CMTM7: variants seen among roughly 807,000 people sequenced by gnomAD.
The protein encoded by CMTM7 is CKLF like MARVEL transmembrane domain containing 7.
Under a neutral mutation model 19.3 loss-of-function variants are expected in CMTM7, and 7 were observed. The ratio of observed to expected loss-of-function variants is 0.36; its 90% CI spans 0.21 to 0.68. CMTM7 has a LOEUF of 0.68. Among genes scored for constraint, CMTM7 ranks in the 30% least tolerant of loss-of-function variants. The pLI, the probability that CMTM7 is intolerant of heterozygous loss-of-function variation, is 0.60. For synonymous variants in CMTM7, 87 were observed against 99.3 expected, an observed-to-expected ratio of 0.88 and a Z score of 0.74; for missense variants, 193 against 232.6, an observed-to-expected ratio of 0.83 and a Z score of 1.11.
intron 2 of CMTM7, among the ~76,000 whole-genome samples, chr3:32,447,625 C>T (rs912752003): frequency 2.0e-5 from 3 of 152,016 alleles, no homozygotes; most frequent in African/African-American, 4.8e-5. Flanking sequence ...GGTGCATATA[C>T]GTTTATAATT....
intron 1 of CMTM7, among the ~76,000 whole-genome samples, chr3:32,418,329 T>C (rs1696296638): frequency 6.6e-6 from 1 of 152,228 alleles, no homozygotes; most frequent in Non-Finnish European, 1.5e-5. Flanking sequence ...AAATGGGATT[T>C]ACAAAATGTT....
intron 2 of CMTM7, among the ~76,000 whole-genome samples, chr3:32,448,693 A>G (rs1334963287): frequency 6.6e-6 from 1 of 152,158 alleles, no homozygotes; most frequent in Non-Finnish European, 1.5e-5. Flanking sequence ...GCGAGAAGCA[A>G]AGGTGGAACC....
intron 1 of CMTM7, among the ~76,000 whole-genome samples, chr3:32,394,140 A>G (rs1008105448): frequency 1.3e-5 from 2 of 152,196 alleles, no homozygotes; most frequent in Admixed American, 1.3e-4. Flanking sequence ...TGGCTGTATT[A>G]GTCCTAGTTA....
At chr3:32,404,177 T>G (rs56147703) in intron 1 of CMTM7, among the ~76,000 whole-genome samples, 2 of 131,056 alleles carry the variant, frequency 1.5e-5, no homozygotes, top group African/African-American at 2.7e-5. Flanking sequence ...TTTTTTTTTT[T>G]GGAGACAGAG....
rs1347694832 is a variant in CMTM7 at position 32,443,540 on chromosome 3, GT to G, written c.333+1533del. ...TGCTGCTATGAGCATTCATATACAA[GT>G]TTTTTGTGTGGACATATTTTCATTT... On this transcript the variant is annotated intron_variant, in intron 2 of 4. Transcript: ENST00000334983. 2.0e-5 allele frequency among the ~76,000 whole-genome samples: 3 copies of G among 152,196 alleles called. No individual in the cohort carries two copies. The South Asian group carries it at 6.2e-4, about 32-fold the overall frequency.
Position 32,452,374 on chromosome 3 carries a change from C to T in CMTM7, c.433-18C>T, listed in dbSNP as rs771277215. ...GCCCTATGGCCTGTGAACTTCCTCT[C>T]CCCTCTCTCCACTGCAGATCTTTGG... On this transcript the variant is annotated intron_variant, in intron 3 of 4. Coordinates refer to ENST00000334983, the MANE Select transcript of CMTM7 (RefSeq NM_138410.4). 6 of 1,614,194 alleles carry T rather than the reference C, an allele frequency of 3.7e-6. No individual in the cohort carries two copies. In the East Asian group the frequency reaches 1.3e-4, roughly 36 times the overall value.
chr3:32,415,910 T>C (rs969191830), intron 1 of CMTM7, among the ~76,000 whole-genome samples: 1 of 152,226 alleles, frequency 6.6e-6, no homozygotes, highest in Non-Finnish European at 1.5e-5. Flanking sequence ...GAGAGCCCAC[T>C]TGGTCTTTGT....
At chr3:32,394,788 C>T (rs759415703) in intron 1 of CMTM7, among the ~76,000 whole-genome samples, 5 of 151,758 alleles carry the variant, frequency 3.3e-5, no homozygotes, top group South Asian at 4.2e-4. Context: ...CTCTGCCTCC[C>T]GAGTTCAATC....
intron 1 of CMTM7, among the ~76,000 whole-genome samples, chr3:32,412,998 T>C (rs1696201696): frequency 6.6e-6 from 1 of 152,240 alleles, no homozygotes; most frequent in Admixed American, 6.5e-5. Context: ...ATAAATGATA[T>C]TACATTGAAC....
chr3:32,429,832 C>A (rs1326478066), intron 1 of CMTM7, among the ~76,000 whole-genome samples: 1 of 152,112 alleles, frequency 6.6e-6, no homozygotes, highest in East Asian at 1.9e-4. Flanking sequence ...ATCTCCTGAC[C>A]TTGTGATCCA....
chr3:32,421,485 CTG>C (rs1429968414), intron 1 of CMTM7, among the ~76,000 whole-genome samples: 1 of 152,226 alleles, frequency 6.6e-6, no homozygotes, highest in African/African-American at 2.4e-5. Context: ...TTCCCCTTCT[CTG>C]TGTGTTGGAA....
intron 1 of CMTM7, among the ~76,000 whole-genome samples, chr3:32,428,747 T>G (rs561543216): frequency 2.2e-4 from 33 of 152,374 alleles, no homozygotes; most frequent in Non-Finnish European, 4.6e-4. Context: ...GCAGCTTGGT[T>G]GTTTTTCCAG....
chr3:32,421,327 C>T (rs1696340009), intron 1 of CMTM7, among the ~76,000 whole-genome samples: 3 of 152,210 alleles, frequency 2.0e-5, no homozygotes, highest in Admixed American at 2.0e-4. Context: ...CCACCCCATC[C>T]CGCCAGCTTT....
chr3:32,434,290 G>C (rs549408346), intron 1 of CMTM7, among the ~76,000 whole-genome samples: 1 of 152,064 alleles, frequency 6.6e-6, no homozygotes, highest in African/African-American at 2.4e-5. Flanking sequence ...TATTTTTAAT[G>C]TAGGGGACTA....
At chr3:32,451,947 G>A in intron 3 of CMTM7, 1 of 612,386 alleles carries the variant, frequency 1.6e-6, no homozygotes, top group Non-Finnish European at 2.6e-6. Context: ...AAGCCAGAAT[G>A]GAACAGAAAG....
intron 1 of CMTM7, among the ~76,000 whole-genome samples, chr3:32,429,296 ATTT>A (rs35500364): frequency 7.1e-6 from 1 of 139,904 alleles, no homozygotes; most frequent in Admixed American, 7.2e-5. Flanking sequence ...TGAGTAGTGT[ATTT>A]TTTTTTTTTT....
At chr3:32,446,739 G>A (rs1030826360) in intron 2 of CMTM7, among the ~76,000 whole-genome samples, 1 of 152,142 alleles carries the variant, frequency 6.6e-6, no homozygotes, top group Admixed American at 6.5e-5. Flanking sequence ...TAGTTCCCAT[G>A]AGAACTGATT....
At chr3:32,447,000 G>A (rs1258954532) in intron 2 of CMTM7, among the ~76,000 whole-genome samples, 2 of 152,058 alleles carry the variant, frequency 1.3e-5, no homozygotes, top group Non-Finnish European at 1.5e-5. Flanking sequence ...AAGATGATGT[G>A]GAAGGTCATC....
intron 1 of CMTM7, among the ~76,000 whole-genome samples, chr3:32,438,528 T>G (rs1696631251): frequency 6.6e-6 from 1 of 152,152 alleles, no homozygotes; most frequent in Admixed American, 6.5e-5. Context: ...ATGCTGGCTA[T>G]TTAAAGTTGG....
Sources: allele counts gnomAD v4.1 joint callset (sites outside exome capture counted in the v4.1 genomes callset), GRCh38; gene constraint gnomAD v4.1.1; transcripts MANE v1.5; gene names NCBI Gene and HGNC (gene_info 2026-07-23, HGNC 2026-07-21).